Variants in PPP1R7 observed in about 807,000 individuals in gnomAD.
PPP1R7 encodes protein phosphatase 1 regulatory subunit 7, also known as protein phosphatase 1 regulatory subunit 22.
Under a neutral mutation model 45.2 loss-of-function variants are expected in PPP1R7, and 18 were observed. The ratio of observed to expected loss-of-function variants is 0.40; its 90% CI spans 0.28 to 0.59. PPP1R7 has a LOEUF of 0.59. PPP1R7 is among the 20% of genes least tolerant of loss of function. The pLI, the probability that PPP1R7 is intolerant of heterozygous loss-of-function variation, is 0.46. For synonymous variants in PPP1R7, 181 were observed against 183.4 expected, an observed-to-expected ratio of 0.99 and a Z score of 0.11; for missense variants, 314 against 455.8, an observed-to-expected ratio of 0.69 and a Z score of 2.83.
At chr2:241,164,124 C>G (rs564558266) in intron 7 of PPP1R7, among the ~76,000 whole-genome samples, 8 of 152,092 alleles carry the variant, frequency 5.3e-5, no homozygotes, top group Admixed American at 5.2e-4. Flanking sequence ...CCTATGTTGC[C>G]CAGGGTGGTC....
intron 5 of PPP1R7, 43 bp from the exon 6 acceptor site, chr2:241,160,289 T>C (rs1039016824): frequency 2.5e-5 from 38 of 1,513,120 alleles, no homozygotes; most frequent in Non-Finnish European, 3.4e-5. Context: ...ATGCAACCTA[T>C]GCTCGTGAAA....
chr2:241,177,438 G>T (rs533082383), intron 9 of PPP1R7, among the ~76,000 whole-genome samples: 4 of 151,854 alleles, frequency 2.6e-5, no homozygotes, highest in Non-Finnish European at 5.9e-5. Flanking sequence ...ATCATAGAGA[G>T]CTTCCTAACC....
chr2:241,182,601 C>G, intron 9 of PPP1R7, 46 bp from the exon 10 acceptor site: 1 of 1,605,896 alleles, frequency 6.2e-7, no homozygotes, highest in South Asian at 1.1e-5. Flanking sequence ...GAGTCGAGGG[C>G]TGGGCTGTTT....
chr2:241,157,638 A>C (rs1404736380), intron 2 of PPP1R7, among the ~76,000 whole-genome samples, 169 bp from the exon 3 acceptor site: 1 of 152,236 alleles, frequency 6.6e-6, no homozygotes, highest in Non-Finnish European at 1.5e-5. Flanking sequence ...AGCAGGGTCT[A>C]ACCCTGCCAC....
chr2:241,182,922 C>T lies in PPP1R7; in HGVS notation c.*99C>T. 1 of 1,360,990 alleles carries T rather than the reference C, an allele frequency of 7.3e-7. No homozygotes were observed. The highest frequency in any genetic ancestry group is 2.5e-5 in the East Asian group (1 of 40,664). The allele number at this position is 1,360,990 out of a possible 1,614,324, so 84.3% of individuals were successfully genotyped here. A position where few individuals can be genotyped will look rare whatever the true frequency, so the allele number is the denominator to read the frequency against. On this transcript the variant is annotated 3_prime_UTR_variant, in exon 10 of 10. Coordinates refer to ENST00000234038, the MANE Select transcript of PPP1R7 (RefSeq NM_002712.3). ...GCTCCTGAGGTCGTCACTATATCAA[C>T]AGTCACAAACCCAATGGCAATAAAG...
chr2:241,182,635 G>A lies in PPP1R7; in HGVS notation c.907-12G>A. The A allele has an allele frequency of 6.2e-7, 1 of 1,613,958 alleles. No homozygotes were observed. The highest frequency in any genetic ancestry group is 8.5e-7 in the Non-Finnish European group (1 of 1,179,840). On this transcript the variant is annotated splice_polypyrimidine_tract_variant and intron_variant, in intron 9 of 9. Transcript: ENST00000234038. ...TTGGTTCTAAAGGCTTTTCTGCTGT[G>A]TGTGTCCCCAGATGAACGACAATCT...
At chr2:241,155,596 C>G (rs1170710970) in intron 2 of PPP1R7, among the ~76,000 whole-genome samples, 2 of 152,216 alleles carry the variant, frequency 1.3e-5, no homozygotes, top group Non-Finnish European at 1.5e-5. Flanking sequence ...GCATTCTAGG[C>G]TGGAAACCTT....
At chr2:241,166,195 C>T (rs2067705681) in intron 7 of PPP1R7, 142 bp from the exon 8 acceptor site, 11 of 654,026 alleles carry the variant, frequency 1.7e-5, no homozygotes, top group Non-Finnish European at 2.5e-5. Flanking sequence ...AGCCACCGCG[C>T]CCGGCCCCAT....
At chr2:241,167,899 T>A (rs986959157) in intron 8 of PPP1R7, among the ~76,000 whole-genome samples, 3 of 152,244 alleles carry the variant, frequency 2.0e-5, no homozygotes, top group African/African-American at 7.2e-5. Context: ...TATCTGGAAT[T>A]TATTTTTATG....
Position 241,159,329 on chromosome 2 carries a change from G to T in PPP1R7, c.420G>T (p.Ala140=), listed in dbSNP as rs141128858. The change falls in exon 5 of 10, where the codon GCG becomes GCT. Residue 140 remains alanine, a synonymous_variant. Coordinates refer to ENST00000234038, the MANE Select transcript of PPP1R7 (RefSeq NM_002712.3). ...TCAAGAAGATTGAGAATCTGGAGGC[G>T]CTAACAGAGCTGGAGTGAGTCATGA... ...NQIKKIENLE[A]LTELEILDIS... The T allele has an allele frequency of 3.6e-4, 585 of 1,613,000 alleles. 1 individual carries two copies. Among genetic ancestry groups the T allele is most frequent in the Non-Finnish European group, 4.7e-4 (552 of 1,179,408 alleles).
intron 2 of PPP1R7, among the ~76,000 whole-genome samples, chr2:241,156,882 G>A (rs1290457811): frequency 2.0e-5 from 3 of 152,120 alleles, no homozygotes; most frequent in Non-Finnish European, 4.4e-5. Context: ...GCGTGTTTGT[G>A]TGTCTGCATG....
At chr2:241,155,254 C>T (rs1427366933) in intron 2 of PPP1R7, 1 of 152,212 alleles carries the variant, frequency 6.6e-6, no homozygotes, top group Non-Finnish European at 1.5e-5. Flanking sequence ...ATCATGTTGT[C>T]ATCATGTTCT....
Position 241,182,906 on chromosome 2 carries a change from G to C in PPP1R7, c.*83G>C. 1 of 1,476,674 alleles carries C rather than the reference G, an allele frequency of 6.8e-7. No individual in the cohort carries two copies. The highest frequency in any genetic ancestry group is 9.2e-7 in the Non-Finnish European group (1 of 1,089,640). The allele number at this position is 1,476,674 out of a possible 1,614,324, so 91.5% of individuals were successfully genotyped here. On this transcript the variant is annotated 3_prime_UTR_variant, in exon 10 of 10. Transcript: ENST00000234038. ...TTTTAACCCACCTGTTGCTCCTGAG[G>C]TCGTCACTATATCAACAGTCACAAA...
chr2:241,163,796 G>A (rs1164991069), intron 7 of PPP1R7, among the ~76,000 whole-genome samples: 1 of 152,068 alleles, frequency 6.6e-6, no homozygotes, highest in East Asian at 1.9e-4. Context: ...GTGAGGAATG[G>A]AAGAGATGAG....
upstream of PPP1R7, chr2:241,150,078 C>A: frequency 1.6e-6 from 2 of 1,281,954 alleles, no homozygotes; most frequent in Non-Finnish European, 2.0e-6. Flanking sequence ...TGGCCCGCAC[C>A]TTGCAGCCAC....
At chr2:241,166,250 A>G (rs2149062040) in intron 7 of PPP1R7, 87 bp from the exon 8 acceptor site, 2 of 1,122,332 alleles carry the variant, frequency 1.8e-6, no homozygotes, top group South Asian at 1.4e-5. Flanking sequence ...GAATTCTTCA[A>G]GATAACACAA....
chr2:241,151,330 A>C, intron 1 of PPP1R7: 1 of 405,654 alleles, frequency 2.5e-6, no homozygotes, highest in South Asian at 1.8e-5. Context: ...CCAGAAGAGC[A>C]GTCACTGCCT....
At chr2:241,159,075 A>G (rs751869139) in intron 4 of PPP1R7, 138 bp from the exon 5 acceptor site, 145 of 1,107,902 alleles carry the variant, frequency 1.3e-4, no homozygotes, top group Non-Finnish European at 1.9e-4. Context: ...AAAGGTCAGC[A>G]CCTTTCTAGG....
intron 9 of PPP1R7, among the ~76,000 whole-genome samples, chr2:241,175,023 A>C (rs1012134641): frequency 3.9e-5 from 6 of 152,102 alleles, no homozygotes; most frequent in Non-Finnish European, 7.4e-5. Context: ...GGAGCTCAGC[A>C]CCAGCTATTC....
Sources: gnomAD v4.1 joint callset for allele counts (sites outside exome capture counted in the v4.1 genomes callset) on GRCh38, gnomAD v4.1.1 for gene constraint, MANE v1.5 for transcripts, NCBI Gene and HGNC (gene_info 2026-07-23, HGNC 2026-07-21) for gene names.